Variants in TF observed in about 807,000 individuals in gnomAD.
The protein encoded by TF is transferrin.
TF carries 55 observed loss-of-function variants against 82.4 expected under a neutral mutation model. That is an observed-to-expected ratio of 0.67 (90% CI 0.54 to 0.84). The LOEUF (loss-of-function observed/expected upper bound fraction) is 0.84. Ranked by LOEUF, TF falls within the 40% of genes least tolerant of loss-of-function variation. TF has a pLI of 0.00. For missense variants in TF, 737 were observed against 868.4 expected (o/e 0.85, Z 1.90); for synonymous variants, 332 against 332.6 (o/e 1.00, Z 0.02).
At chr3:133,736,259 G>T in the TF span, among the ~76,000 whole-genome samples, 1 of 152,158 alleles carries the variant, frequency 6.6e-6, no homozygotes, top group Non-Finnish European at 1.5e-5. Context: ...ACTGCTGAGA[G>T]ATTTTGTCAC....
intron 9 of TF, among the ~76,000 whole-genome samples, chr3:133,763,584 T>C (rs1463856762): frequency 2.0e-5 from 3 of 152,256 alleles, no homozygotes; most frequent in Non-Finnish European, 4.4e-5. Context: ...TCTTTTATGG[T>C]TTATTACTAG....
the TF span, among the ~76,000 whole-genome samples, chr3:133,705,303 T>G: frequency 6.6e-6 from 1 of 152,046 alleles, no homozygotes; most frequent in Non-Finnish European, 1.5e-5. Flanking sequence ...TAAATGATGT[T>G]TCCATTGTAG....
Position 133,782,344 on chromosome 3 carries a change from C to T in TF, c.*3724C>T, listed in dbSNP as rs890585036. ...CCTTGTAGAGATAAATGTGATCCCA[C>T]GTTCATTGCAGCATTGCAGCCAATA... is the stretch of plus-strand genomic sequence containing the variant. On this transcript the variant is annotated 3_prime_UTR_variant, in exon 17 of 17. Transcript: ENST00000402696. 4 of 152,128 alleles carry T rather than the reference C, an allele frequency of 2.6e-5. No homozygotes were observed. Among genetic ancestry groups the T allele is most frequent in the African/African-American group, 7.2e-5 (3 of 41,426 alleles). The allele number at this position is 152,128 out of a possible 1,614,324, so 9.4% of individuals were successfully genotyped here.
intron 12 of TF, among the ~76,000 whole-genome samples, chr3:133,767,427 T>G (rs1359342587): frequency 6.6e-6 from 1 of 152,134 alleles, no homozygotes; most frequent in Admixed American, 6.5e-5. Flanking sequence ...AGGGAAGTGG[T>G]GATGAGAGTA....
At chr3:133,697,046 T>A in the TF span, among the ~76,000 whole-genome samples, 2 of 152,238 alleles carry the variant, frequency 1.3e-5, no homozygotes, top group African/African-American at 4.8e-5. Flanking sequence ...TGGGTCCCAG[T>A]TCCTTACAAC....
intron 3 of TF, among the ~76,000 whole-genome samples, 192 bp from the exon 4 acceptor site, chr3:133,754,303 T>C (rs374274171): frequency 1.2e-4 from 19 of 152,288 alleles, no homozygotes; most frequent in African/African-American, 2.6e-4. Context: ...GGTAATATTA[T>C]AAATATTCCT....
At chr3:133,723,807 T>TA in the TF span, among the ~76,000 whole-genome samples, 1 of 150,650 alleles carries the variant, frequency 6.6e-6, no homozygotes, top group Non-Finnish European at 1.5e-5. Context: ...TCCCTCCCCC[T>TA]TCCCCACCCC....
rs868550014 is a variant in TF, at chr3:133,777,157, C to T, written c.1981C>T (p.His661Tyr). 1 of 1,614,112 alleles carries T rather than the reference C, an allele frequency of 6.2e-7. No individual in the cohort carries two copies. The highest frequency in any genetic ancestry group is 8.5e-7 in the Non-Finnish European group (1 of 1,180,032). ...TGACACAGTATGTTTGGCCAAACTT[C>T]ATGACAGAAACACATATGAAAAATA... ...RDDTVCLAKL[H>Y]DRNTYEKYLG... The change falls in exon 16 of 17, where the codon CAT becomes TAT. Residue 661 changes from histidine to tyrosine, a missense_variant. Transcript: ENST00000402696.
At chr3:133,704,187 A>G in the TF span, 2 of 213,928 alleles carry the variant, frequency 9.3e-6, no homozygotes, top group Non-Finnish European at 2.0e-5. Context: ...GGCCCAGGAG[A>G]CAGCTATTGT....
chr3:133,739,536 GA>G, the TF span, among the ~76,000 whole-genome samples: 1 of 151,924 alleles, frequency 6.6e-6, no homozygotes, highest in Non-Finnish European at 1.5e-5. Context: ...GCAACCTACA[GA>G]ATGGGAGAAA....
At chr3:133,736,631 CAAAAAAAAAAAA>C in the TF span, among the ~76,000 whole-genome samples, 4 of 32,540 alleles carry the variant, frequency 1.2e-4, no homozygotes, top group Non-Finnish European at 1.6e-4. Flanking sequence ...AATGGAAAGC[CAAAAAAAAAAAA>C]AAAAAAAAGC....
rs8177239 is a variant in TF at position 133,758,211 on chromosome 3, C to A, written c.1048+265C>A. ...ATTTCCTTTGCATCAATCAGGACTG[C>A]CTTACCTACTCTGTGAAGGCAATTA... On this transcript the variant is annotated intron_variant, in intron 8 of 16. Transcript: ENST00000402696. Among the ~76,000 whole-genome samples, 64 of 152,294 alleles carry A rather than the reference C, an allele frequency of 4.2e-4. 1 individual carries two copies. The highest frequency in any genetic ancestry group is 1.4e-3 in the African/African-American group (60 of 41,542).
At chr3:133,699,759 A>G in the TF span, 1 of 373,486 alleles carries the variant, frequency 2.7e-6, no homozygotes, top group Non-Finnish European at 5.2e-6. Context: ...GCCACATGTG[A>G]TCCTCTTCAC....
chr3:133,714,474 C>T, the TF span, among the ~76,000 whole-genome samples: 1 of 152,192 alleles, frequency 6.6e-6, no homozygotes, highest in Admixed American at 6.5e-5. Context: ...CACAGATCTA[C>T]AACAACATAT....
the TF span, among the ~76,000 whole-genome samples, chr3:133,737,130 G>A: frequency 6.6e-6 from 1 of 152,158 alleles, no homozygotes; most frequent in Non-Finnish European, 1.5e-5. Flanking sequence ...AGACCACAGT[G>A]CAATCAAATT....
the TF span, among the ~76,000 whole-genome samples, chr3:133,690,763 G>C: frequency 1.3e-5 from 2 of 152,172 alleles, no homozygotes; most frequent in African/African-American, 4.8e-5. Flanking sequence ...AAAGATGTAT[G>C]TAAAGTGGGA....
chr3:133,737,085 C>A, the TF span, among the ~76,000 whole-genome samples: 2 of 152,148 alleles, frequency 1.3e-5, no homozygotes, highest in East Asian at 3.8e-4. Context: ...CACTCCTCAG[C>A]AAATGCAAAA....
the TF span, among the ~76,000 whole-genome samples, chr3:133,669,963 G>C: frequency 1.3e-5 from 2 of 152,324 alleles, no homozygotes; most frequent in East Asian, 3.9e-4. Flanking sequence ...TGAAGGGAGA[G>C]CCAGGACAGT....
At chr3:133,710,148 G>A in the TF span, 1 of 152,630 alleles carries the variant, frequency 6.6e-6, no homozygotes, top group East Asian at 1.9e-4. Context: ...ACAAGATCAG[G>A]CGCATTCAGG....
Sources: gnomAD v4.1 joint callset for allele counts (sites outside exome capture counted in the v4.1 genomes callset) on GRCh38, gnomAD v4.1.1 for gene constraint, MANE v1.5 for transcripts, NCBI Gene and HGNC (gene_info 2026-07-23, HGNC 2026-07-21) for gene names.